Variants in UNC93A observed in about 807,000 individuals in gnomAD.
UNC93A encodes N-acetylglucosamine transporter UNC93A.
UNC93A carries 43 observed loss-of-function variants against 47.5 expected under a neutral mutation model. The ratio of observed to expected loss-of-function variants is 0.91; its 90% CI spans 0.71 to 1.17. UNC93A has a LOEUF of 1.17. Among genes scored for constraint, UNC93A ranks in the 50% most tolerant of loss-of-function variants. The probability of loss-of-function intolerance (pLI) is 0.00; values close to 1 mark genes in which losing one functional copy is unlikely to be tolerated. For synonymous variants in UNC93A, 280 were observed against 258.0 expected (o/e 1.09, Z -0.82); for missense variants, 605 against 577.6 (o/e 1.05, Z -0.49).
intron 3 of UNC93A, 94 bp downstream of exon 3, chr6:167,296,355 T>C: frequency 1.5e-6 from 2 of 1,341,538 alleles, no homozygotes; most frequent in Middle Eastern, 2.1e-4. Flanking sequence ...ACACCTGCCT[T>C]GATTCTGTAA....
chr6:167,281,322 C>T (rs1783629968), intron 1 of UNC93A, among the ~76,000 whole-genome samples: 1 of 152,138 alleles, frequency 6.6e-6, no homozygotes, highest in Non-Finnish European at 1.5e-5. Flanking sequence ...ATTAGCCATT[C>T]CTCTTACTCC....
At chr6:167,270,231 C>T (rs1011552379), upstream of UNC93A, among the ~76,000 whole-genome samples, 20 of 152,112 alleles carry the variant, frequency 1.3e-4, no homozygotes, top group African/African-American at 4.8e-4. Context: ...ATGTCTAAGA[C>T]AGGGATAATG....
At chr6:167,313,295 C>A (rs990343292) in intron 7 of UNC93A, among the ~76,000 whole-genome samples, 1 of 152,168 alleles carries the variant, frequency 6.6e-6, no homozygotes, top group Non-Finnish European at 1.5e-5. Context: ...CAGTCTAGCT[C>A]TTTCTCTCTT....
At chr6:167,300,857 A>T (rs550657722) in intron 4 of UNC93A, among the ~76,000 whole-genome samples, 3 of 152,254 alleles carry the variant, frequency 2.0e-5, no homozygotes, top group Admixed American at 6.5e-5. Context: ...ACCAACAAAG[A>T]CTTCTCCTAT....
chr6:167,315,539 T>A lies in UNC93A; in HGVS notation c.*87T>A. The stretch of plus-strand genomic sequence containing the variant: ...ATGCCTCAGGACATAGAGCGGCTCC[T>A]CATCACCATCTCAGCACAATTTGGC... On this transcript the variant is annotated 3_prime_UTR_variant, in exon 8 of 8. Coordinates refer to ENST00000230256, the MANE Select transcript of UNC93A (RefSeq NM_018974.4). 1 of 1,594,792 alleles carries A rather than the reference T, an allele frequency of 6.3e-7. No homozygotes were observed. Among genetic ancestry groups the A allele is most frequent in the Non-Finnish European group, 8.6e-7 (1 of 1,169,290 alleles).
upstream of UNC93A, among the ~76,000 whole-genome samples, chr6:167,269,699 T>A (rs1783420758): frequency 6.6e-6 from 1 of 152,120 alleles, no homozygotes; most frequent in Non-Finnish European, 1.5e-5. Flanking sequence ...CTCCGCCTCC[T>A]GGGTTCACAC....
chr6:167,287,885 G>A (rs1783768738), upstream of UNC93A, among the ~76,000 whole-genome samples: 1 of 152,158 alleles, frequency 6.6e-6, no homozygotes. Context: ...GAGAGTGGAA[G>A]ACGGTGATCA....
chr6:167,300,909 C>T (rs577543441), intron 4 of UNC93A, among the ~76,000 whole-genome samples: 1 of 152,224 alleles, frequency 6.6e-6, no homozygotes, highest in East Asian at 1.9e-4. Flanking sequence ...TGCAGCCTTC[C>T]TCTGTGAAGG....
At chr6:167,275,848 T>A (rs965768209) in intron 1 of UNC93A, among the ~76,000 whole-genome samples, 1 of 152,148 alleles carries the variant, frequency 6.6e-6, no homozygotes, top group South Asian at 2.1e-4. Flanking sequence ...CTCTCTCAGA[T>A]TGGTGAAAGT....
intron 4 of UNC93A, among the ~76,000 whole-genome samples, chr6:167,303,593 A>C (rs1778300316): frequency 6.6e-6 from 1 of 152,128 alleles, no homozygotes; most frequent in Non-Finnish European, 1.5e-5. Flanking sequence ...TTAGAATGAG[A>C]AGCAGAGTCC....
At chr6:167,289,930 TATC>T (rs1481095157), upstream of UNC93A, among the ~76,000 whole-genome samples, 1 of 152,240 alleles carries the variant, frequency 6.6e-6, no homozygotes, top group Non-Finnish European at 1.5e-5. Context: ...AAAGTCAAAA[TATC>T]ATCTTAGTCA....
At chr6:167,282,142 C>T (rs1032007299) in intron 1 of UNC93A, among the ~76,000 whole-genome samples, 15 of 152,140 alleles carry the variant, frequency 9.9e-5, no homozygotes, top group East Asian at 1.9e-4. Context: ...TTTCCTGGGA[C>T]GGTAGACAAG....
Position 167,305,903 on chromosome 6 carries a change from C to G in UNC93A, c.841-12C>G. 1 of 1,614,098 alleles carries G rather than the reference C, an allele frequency of 6.2e-7. No individual in the cohort carries two copies. The highest frequency in any genetic ancestry group is 8.5e-7 in the Non-Finnish European group (1 of 1,180,020). ...GAGCGTCCATGACGTGGCTCTGCAC[C>G]CCTCTCCCCAGTCCTATGTCACCTG... On this transcript the variant is annotated splice_polypyrimidine_tract_variant and intron_variant, in intron 5 of 7. Coordinates refer to ENST00000230256, the MANE Select transcript of UNC93A (RefSeq NM_018974.4).
At chr6:167,279,038 A>G (rs1783589480) in intron 1 of UNC93A, among the ~76,000 whole-genome samples, 1 of 152,256 alleles carries the variant, frequency 6.6e-6, no homozygotes, top group African/African-American at 2.4e-5. Context: ...AGCAACCTGC[A>G]ACACACAGGC....
chr6:167,312,269 T>C (rs988639372), intron 7 of UNC93A, among the ~76,000 whole-genome samples: 1 of 151,010 alleles, frequency 6.6e-6, no homozygotes, highest in Non-Finnish European at 1.5e-5. Flanking sequence ...TCACCAGCGA[T>C]GTTAACCTTG....
intron 6 of UNC93A, among the ~76,000 whole-genome samples, chr6:167,306,819 G>A (rs1778410053): frequency 6.6e-6 from 1 of 152,206 alleles, no homozygotes; most frequent in Non-Finnish European, 1.5e-5. Context: ...GGGGCATGCG[G>A]TGTGGACCTG....
chr6:167,295,708 TCCCTC>T lies in UNC93A; in HGVS notation c.270-323_270-319del, dbSNP rs1562350606. Among the ~76,000 whole-genome samples the T allele has an allele frequency of 3.7e-4, 51 of 137,164 alleles. 3 individuals carry two copies. The highest frequency in any genetic ancestry group is 3.9e-3 in the Middle Eastern group (1 of 256). 90.0% of individuals were successfully genotyped at this position (137,164 alleles called of 152,430 possible). On this transcript the variant is annotated intron_variant, in intron 2 of 7. Coordinates refer to ENST00000230256, the MANE Select transcript of UNC93A (RefSeq NM_018974.4). Reference sequence around the variant, plus strand: ...CCTCGCCTGCCTCGTGCTCCTCGCCTCCCTCGTGCTCCTCGCCTTCCTCGTGCTCC... The same window carrying T: ...CCTCGCCTGCCTCGTGCTCCTCGCCTGTGCTCCTCGCCTTCCTCGTGCTCC...
At chr6:167,301,451 G>T (rs987803911) in intron 4 of UNC93A, among the ~76,000 whole-genome samples, 1 of 152,154 alleles carries the variant, frequency 6.6e-6, no homozygotes, top group African/African-American at 2.4e-5. Context: ...GAGAAAAATG[G>T]ACCTAAAAGA....
chr6:167,307,990 T>TG, intron 7 of UNC93A, 80 bp downstream of exon 7: 7 of 1,567,564 alleles, frequency 4.5e-6, no homozygotes, highest in Non-Finnish European at 6.0e-6. Flanking sequence ...GCTCATTAGA[T>TG]GCCAATGGGC....
Sources: allele counts gnomAD v4.1 joint callset (sites outside exome capture counted in the v4.1 genomes callset), GRCh38; gene constraint gnomAD v4.1.1; transcripts MANE v1.5; gene names NCBI Gene and HGNC (gene_info 2026-07-23, HGNC 2026-07-21).